Variants in PBX1 observed in about 807,000 individuals in gnomAD.
PBX1 encodes the protein pre-B-cell leukemia transcription factor 1.
In PBX1, 6 loss-of-function variants were observed where a neutral mutation model predicts 53.4. The observed-to-expected ratio is 0.11, with a 90% confidence interval of 0.06 to 0.22. The LOEUF is 0.22. Among genes scored for constraint, PBX1 ranks in the 10% least tolerant of loss-of-function variants. The pLI is 1.00. For missense variants in PBX1, 251 were observed against 551.4 expected, an observed-to-expected ratio of 0.46 and a Z score of 5.46; for synonymous variants, 204 against 212.3, an observed-to-expected ratio of 0.96 and a Z score of 0.34.
intron 2 of PBX1, among the ~76,000 whole-genome samples, chr1:164,572,761 T>A (rs78503372): frequency 1.2e-4 from 18 of 152,224 alleles, no homozygotes; most frequent in African/African-American, 4.1e-4. Context: ...CATAGTTCAA[T>A]GAGTATGCTC....
intron 8 of PBX1, among the ~76,000 whole-genome samples, chr1:164,828,059 G>C (rs942213956): frequency 2.0e-5 from 3 of 152,126 alleles, no homozygotes; most frequent in African/African-American, 7.2e-5. Flanking sequence ...ATGACAGAAG[G>C]GGGGAATTTA....
At chr1:164,692,045 A>G (rs1406529997) in intron 2 of PBX1, among the ~76,000 whole-genome samples, 1 of 152,228 alleles carries the variant, frequency 6.6e-6, no homozygotes, top group Non-Finnish European at 1.5e-5. Flanking sequence ...GTATATGCAA[A>G]AATTCCAAAA....
chr1:164,741,945 C>T (rs1358025967), intron 2 of PBX1, among the ~76,000 whole-genome samples: 2 of 151,576 alleles, frequency 1.3e-5, no homozygotes, highest in African/African-American at 4.9e-5. Context: ...CATTTCTAGG[C>T]TTACTATATT....
At chr1:164,800,004 T>G in intron 4 of PBX1, 115 bp downstream of exon 4, 1 of 917,394 alleles carries the variant, frequency 1.1e-6, no homozygotes, top group Non-Finnish European at 1.6e-6. Context: ...CTGAACCAAG[T>G]GATACCCTGA....
chr1:164,798,861 T>G (rs569892518), intron 3 of PBX1, among the ~76,000 whole-genome samples: 1 of 152,328 alleles, frequency 6.6e-6, no homozygotes, highest in South Asian at 2.1e-4. Flanking sequence ...GAGGAAGTTC[T>G]TATAATAAAA....
intron 2 of PBX1, among the ~76,000 whole-genome samples, chr1:164,759,303 G>T (rs971160309): frequency 6.6e-6 from 1 of 152,138 alleles, no homozygotes; most frequent in African/African-American, 2.4e-5. Flanking sequence ...CCAGTAACAT[G>T]CTGTGACTGC....
At chr1:164,587,100 C>A (rs1655001788) in intron 2 of PBX1, among the ~76,000 whole-genome samples, 1 of 152,018 alleles carries the variant, frequency 6.6e-6, no homozygotes, top group Non-Finnish European at 1.5e-5. Flanking sequence ...TGTGTGTGTC[C>A]CTGTTTCTCA....
At chr1:164,628,458 C>G (rs779209982) in intron 2 of PBX1, among the ~76,000 whole-genome samples, 20 of 152,270 alleles carry the variant, frequency 1.3e-4, no homozygotes, top group Non-Finnish European at 2.8e-4. Context: ...TGTGGAGTCA[C>G]CACCAGAACA....
At chr1:164,811,011 G>A (rs2102343443) in intron 5 of PBX1, among the ~76,000 whole-genome samples, 1 of 152,148 alleles carries the variant, frequency 6.6e-6, no homozygotes, top group African/African-American at 2.4e-5. Flanking sequence ...GCCGTCGTTG[G>A]GAGTTAAATA....
Position 164,559,739 on chromosome 1 carries a change from G to T in PBX1, c.-84G>T. On this transcript the variant is annotated 5_prime_UTR_variant, in exon 1 of 9. Coordinates refer to ENST00000420696, the MANE Select transcript of PBX1 (RefSeq NM_002585.4). ...CTGAAAAGGATTTGAAGACAAGCTTGAAGGATAAAAAGCCTTGGTGCTTCC... is the reference window on the plus strand; with the variant it reads ...CTGAAAAGGATTTGAAGACAAGCTTTAAGGATAAAAAGCCTTGGTGCTTCC... The T allele has an allele frequency of 9.9e-7, 1 of 1,005,242 alleles. No homozygotes were observed. Among genetic ancestry groups the T allele is most frequent in the Non-Finnish European group, 1.4e-6 (1 of 709,234 alleles). The allele number at this position is 1,005,242 out of a possible 1,614,324, so 62.3% of individuals were successfully genotyped here.
At chr1:164,704,580 C>T (rs1663319162) in intron 2 of PBX1, among the ~76,000 whole-genome samples, 1 of 152,088 alleles carries the variant, frequency 6.6e-6, no homozygotes. Context: ...TAACTGATCT[C>T]AAAAATAATA....
chr1:164,620,369 A>G (rs1175666877), intron 2 of PBX1, among the ~76,000 whole-genome samples: 10 of 152,196 alleles, frequency 6.6e-5, no homozygotes, highest in Admixed American at 5.9e-4. Context: ...AGCTAATTCT[A>G]ATTTTTATAT....
intron 2 of PBX1, among the ~76,000 whole-genome samples, chr1:164,789,540 G>A (rs993948234): frequency 3.3e-5 from 5 of 152,182 alleles, no homozygotes; most frequent in Non-Finnish European, 7.3e-5. Context: ...GGCCGCTTGG[G>A]GTACCCATGT....
intron 3 of PBX1, among the ~76,000 whole-genome samples, chr1:164,793,078 G>A (rs758562648): frequency 6.6e-6 from 1 of 152,166 alleles, no homozygotes; most frequent in Non-Finnish European, 1.5e-5. Context: ...CTCTCATCCG[G>A]GCGCTATAGG....
At chr1:164,883,213 T>C (rs1672703234) in intron 2 of PBX1, among the ~76,000 whole-genome samples, 1 of 152,122 alleles carries the variant, frequency 6.6e-6, no homozygotes, top group Non-Finnish European at 1.5e-5. Flanking sequence ...AGGTACAGAG[T>C]ACTAATTCCA....
rs929958137 is a variant in PBX1, at chr1:164,846,815, C to G, written c.*139C>G. The G allele has an allele frequency of 2.6e-6, 4 of 1,510,382 alleles. No homozygotes were observed. In the African/African-American group the frequency reaches 5.5e-5, roughly 21 times the overall value. The allele number at this position is 1,510,382 out of a possible 1,614,324, so 93.6% of individuals were successfully genotyped here. ...AACACAATAAGAGTCTCCTTCTCTT[C>G]TCTTCTTTGGGATGCTATTTCAGCC... On this transcript the variant is annotated 3_prime_UTR_variant, in exon 9 of 9. Coordinates refer to ENST00000420696, the MANE Select transcript of PBX1 (RefSeq NM_002585.4).
At chr1:164,593,652 A>AATC (rs1655560870) in intron 2 of PBX1, among the ~76,000 whole-genome samples, 1 of 110,830 alleles carries the variant, frequency 9.0e-6, no homozygotes, top group East Asian at 2.7e-4. Context: ...AATAATAAAT[A>AATC]GCCAGAATTT....
intron 2 of PBX1, among the ~76,000 whole-genome samples, chr1:164,592,554 C>T (rs1655465762): frequency 6.6e-6 from 1 of 152,228 alleles, no homozygotes; most frequent in Non-Finnish European, 1.5e-5. Flanking sequence ...TGAGCAGAGT[C>T]TGAGGGTGCT....
At chr1:164,776,746 G>A (rs1251322442) in intron 2 of PBX1, among the ~76,000 whole-genome samples, 2 of 152,148 alleles carry the variant, frequency 1.3e-5, no homozygotes, top group African/African-American at 2.4e-5. Flanking sequence ...TTTCTTTTCT[G>A]TGCAATGATT....
Sources: gnomAD v4.1 joint callset for allele counts (sites outside exome capture counted in the v4.1 genomes callset) on GRCh38, gnomAD v4.1.1 for gene constraint, MANE v1.5 for transcripts, NCBI Gene and HGNC (gene_info 2026-07-23, HGNC 2026-07-21) for gene names.